DCUN1D3: variants seen among roughly 807,000 people sequenced by gnomAD.
The protein encoded by DCUN1D3 is defective in cullin neddylation 1 domain containing 3.
A neutral mutation model predicts 24.8 loss-of-function variants in DCUN1D3; 6 were observed. The ratio of observed to expected loss-of-function variants is 0.24; its 90% confidence interval spans 0.13 to 0.48. The LOEUF (loss-of-function observed/expected upper bound fraction) is 0.48, where lower values mean the gene tolerates loss of function less well. DCUN1D3 is among the 20% of genes least tolerant of loss of function. The pLI, the probability that DCUN1D3 is intolerant of heterozygous loss-of-function variation, is 0.99. For missense variants in DCUN1D3, 258 were observed against 379.4 expected, an observed-to-expected ratio of 0.68 and a Z score of 2.66; for synonymous variants, 120 against 144.9, an observed-to-expected ratio of 0.83 and a Z score of 1.24.
intron 1 of DCUN1D3, among the ~76,000 whole-genome samples, chr16:20,878,590 A>G (rs537544417): frequency 2.6e-5 from 4 of 152,338 alleles, no homozygotes; most frequent in Non-Finnish European, 5.9e-5. Context: ...TAAAGGCATC[A>G]TATTTAAGGT....
At position 20,882,252 on chromosome 16, in the gene DCUN1D3, A is replaced by ATTTTTTTTTTTTTTTTTTTTTT. The variant is rs11310580; in HGVS notation, c.-106+17951_-106+17952insAAAAAAAAAAAAAAAAAAAAAA. ...GAGCACCTTCATTTATAACATTGCT[A>ATTTTTTTTTTTTTTTTTTTTTT]TTTTTTTTTTTTTTTTTGAGATAGA... is the stretch of plus-strand genomic sequence containing the variant. On this transcript the variant is annotated intron_variant, in intron 1 of 2. Transcript: ENST00000324344. Among the ~76,000 whole-genome samples the ATTTTTTTTTTTTTTTTTTTTTT allele has an allele frequency of 1.5e-5, 2 of 135,516 alleles. 1 individual carries two copies. Among genetic ancestry groups the ATTTTTTTTTTTTTTTTTTTTTT allele is most frequent in the Non-Finnish European group, 3.2e-5 (2 of 62,968 alleles). 88.9% of individuals were successfully genotyped at this position (135,516 alleles called of 152,430 possible).
intron 1 of DCUN1D3, among the ~76,000 whole-genome samples, chr16:20,885,101 G>A (rs2081862540): frequency 6.6e-6 from 1 of 150,452 alleles, no homozygotes; most frequent in African/African-American, 2.4e-5. Flanking sequence ...TCAGCCTCCT[G>A]AGTAGCTGGG....
At chr16:20,896,550 C>G (rs1311119154) in intron 1 of DCUN1D3, among the ~76,000 whole-genome samples, 1 of 152,130 alleles carries the variant, frequency 6.6e-6, no homozygotes, top group Non-Finnish European at 1.5e-5. Flanking sequence ...ACCCACCCGC[C>G]CCCTTTCAAA....
rs951172880 is a variant in DCUN1D3 at position 20,900,188 on chromosome 16, C to G, written c.-106+16G>C. 2.8e-5 allele frequency: 4 copies of G among 141,762 alleles called. No individual in the cohort carries two copies. Among genetic ancestry groups the G allele is most frequent in the African/African-American group, 5.2e-5 (2 of 38,474 alleles). 8.8% of individuals were successfully genotyped at this position (141,762 alleles called of 1,614,324 possible). A position where few individuals can be genotyped will look rare whatever the true frequency, so the allele number is the denominator to read the frequency against. ...CCCCCGCCTTTTCCTCAACTCCCCC[C>G]CTCCCCAAAACTCACAGCTGCTCCA... On this transcript the variant is annotated intron_variant, in intron 1 of 2. Transcript: ENST00000324344.
intron 1 of DCUN1D3, among the ~76,000 whole-genome samples, chr16:20,875,228 A>G (rs2081808575): frequency 7.9e-6 from 1 of 127,386 alleles, no homozygotes; most frequent in African/African-American, 3.1e-5. Context: ...ACACACACAC[A>G]CACACACACA....
chr16:20,870,481 G>A (rs2081782982), intron 1 of DCUN1D3, among the ~76,000 whole-genome samples: 1 of 152,126 alleles, frequency 6.6e-6, no homozygotes, highest in Non-Finnish European at 1.5e-5. Flanking sequence ...GCTGCAGCTC[G>A]CTGGGTCAGG....
chr16:20,857,858 T>C lies in DCUN1D3; in HGVS notation c.*2028A>G, dbSNP rs1334636229. ...AAACAAATTCCAAGTATGTTCCCTA[T>C]GGTCAATATCAGTTTTAGAAAAATA... On this transcript the variant is annotated 3_prime_UTR_variant, in exon 3 of 3. Coordinates refer to ENST00000324344, the MANE Select transcript of DCUN1D3 (RefSeq NM_173475.4). The C allele has an allele frequency of 6.6e-6, 1 of 151,990 alleles. No homozygotes were observed. The highest frequency in any genetic ancestry group is 1.5e-5 in the Non-Finnish European group (1 of 67,996). The allele number at this position is 151,990 out of a possible 1,614,324, so 9.4% of individuals were successfully genotyped here. A position where few individuals can be genotyped will look rare whatever the true frequency, so the allele number is the denominator to read the frequency against.
intron 1 of DCUN1D3, among the ~76,000 whole-genome samples, chr16:20,890,367 C>T (rs1232225231): frequency 2.0e-5 from 3 of 152,088 alleles, no homozygotes; most frequent in Non-Finnish European, 4.4e-5. Flanking sequence ...GGGGCCCACA[C>T]CTGTAATCCC....
chr16:20,875,037 T>C (rs1239421313), intron 1 of DCUN1D3, among the ~76,000 whole-genome samples: 2 of 152,160 alleles, frequency 1.3e-5, no homozygotes, highest in Non-Finnish European at 2.9e-5. Flanking sequence ...TGCCACCTAA[T>C]GGCCACCACA....
At chr16:20,870,427 G>A (rs1312936649) in intron 1 of DCUN1D3, among the ~76,000 whole-genome samples, 1 of 152,134 alleles carries the variant, frequency 6.6e-6, no homozygotes, top group African/African-American at 2.4e-5. Context: ...ATCTCTGGAG[G>A]GTCAGTAACA....
chr16:20,859,618 T>C lies in DCUN1D3; in HGVS notation c.*268A>G, dbSNP rs2081720179. On this transcript the variant is annotated 3_prime_UTR_variant, in exon 3 of 3. Coordinates refer to ENST00000324344, the MANE Select transcript of DCUN1D3 (RefSeq NM_173475.4). ...CAAGAAATGGCAGGCTTATTCTATC[T>C]GAAGGCTTCAAAAAAAGATACACAA... 1 of 297,792 alleles carries C rather than the reference T, an allele frequency of 3.4e-6. No individual in the cohort carries two copies. The allele number at this position is 297,792 out of a possible 1,614,324, so 18.4% of individuals were successfully genotyped here.
intron 1 of DCUN1D3, among the ~76,000 whole-genome samples, chr16:20,882,709 C>T (rs1176863883): frequency 6.6e-6 from 1 of 152,210 alleles, no homozygotes; most frequent in Non-Finnish European, 1.5e-5. Flanking sequence ...AACATATAAA[C>T]ACATTTCTTC....
intron 1 of DCUN1D3, among the ~76,000 whole-genome samples, chr16:20,870,642 C>G (rs1446584421): frequency 2.0e-5 from 3 of 152,196 alleles, no homozygotes; most frequent in Admixed American, 6.5e-5. Context: ...TGCTCTGAGG[C>G]TTCCTTGACA....
rs1281318474 is a variant in DCUN1D3 at position 20,856,948 on chromosome 16, C to T, written c.*2938G>A. On this transcript the variant is annotated 3_prime_UTR_variant, in exon 3 of 3. Coordinates refer to ENST00000324344, the MANE Select transcript of DCUN1D3 (RefSeq NM_173475.4). ...TCCACATCACCCTGATGTTCTGTTG[C>T]TAAGCAAGGAGTGTACTGGCTTATC... 6.6e-6 allele frequency: 1 copy of T among 152,194 alleles called. No individual in the cohort carries two copies. Among genetic ancestry groups the T allele is most frequent in the African/African-American group, 2.4e-5 (1 of 41,440 alleles). The allele number at this position is 152,194 out of a possible 1,614,324, so 9.4% of individuals were successfully genotyped here. A position where few individuals can be genotyped will look rare whatever the true frequency, so the allele number is the denominator to read the frequency against.
intron 1 of DCUN1D3, among the ~76,000 whole-genome samples, chr16:20,895,509 C>G (rs910973736): frequency 2.0e-5 from 3 of 152,172 alleles, no homozygotes; most frequent in African/African-American, 7.2e-5. Flanking sequence ...CTCCCTGCAC[C>G]TTCCCATATA....
chr16:20,860,768 C>G lies in DCUN1D3; in HGVS notation c.432-399G>C, dbSNP rs1028863976. ...GGCTTCCTGTTTCCCTTCTGATTCT[C>G]TATGGGTTGTTTGTTTGGGGTATAT... is the stretch of plus-strand genomic sequence containing the variant. On this transcript the variant is annotated intron_variant, in intron 2 of 2. Transcript: ENST00000324344. This position sits in a 1 kb window ranked among gnomAD's most constrained non-coding sequence, Gnocchi z 4.3. Among the ~76,000 whole-genome samples, 1 of 152,198 alleles carries G rather than the reference C, an allele frequency of 6.6e-6. No homozygotes were observed. The highest frequency in any genetic ancestry group is 2.4e-5 in the African/African-American group (1 of 41,440).
intron 1 of DCUN1D3, among the ~76,000 whole-genome samples, chr16:20,884,932 T>G (rs1375058974): frequency 6.6e-6 from 1 of 150,524 alleles, no homozygotes; most frequent in South Asian, 2.1e-4. Context: ...ATAAATAAAA[T>G]AAATTAGGAG....
chr16:20,861,985 A>G lies in DCUN1D3; in HGVS notation c.431+123T>C. 1.4e-5 allele frequency: 15 copies of G among 1,047,576 alleles called. 1 individual carries two copies. In the South Asian group the frequency reaches 2.5e-4, roughly 17 times the overall value. The allele number at this position is 1,047,576 out of a possible 1,614,324, so 64.9% of individuals were successfully genotyped here. A position where few individuals can be genotyped will look rare whatever the true frequency, so the allele number is the denominator to read the frequency against. On this transcript the variant is annotated intron_variant, in intron 2 of 2. Transcript: ENST00000324344. ...CAAGCTTTAGAGAACCTGATCAGAA[A>G]AATAAAAACTTACCCAAAACCCTAT...
At chr16:20,880,016 A>C (rs1441843312) in intron 1 of DCUN1D3, among the ~76,000 whole-genome samples, 1 of 152,260 alleles carries the variant, frequency 6.6e-6, no homozygotes, top group Non-Finnish European at 1.5e-5. Flanking sequence ...TATTTTAAGA[A>C]CCAGAAAAGA....
Sources: allele counts gnomAD v4.1 joint callset (sites outside exome capture counted in the v4.1 genomes callset), GRCh38; gene constraint gnomAD v4.1.1; non-coding constraint Gnocchi (gnomAD v3.1); transcripts MANE v1.5; gene names NCBI Gene and HGNC (gene_info 2026-07-23, HGNC 2026-07-21).